Variants in GRIP2 observed in about 807,000 individuals in gnomAD.
The protein encoded by GRIP2 is glutamate receptor interacting protein 2.
GRIP2 carries 58 observed loss-of-function variants against 108.3 expected under a neutral mutation model. That is an observed-to-expected ratio of 0.54 (90% confidence interval 0.43 to 0.67). GRIP2 has a LOEUF of 0.67. Among genes scored for constraint, GRIP2 ranks in the 30% least tolerant of loss-of-function variants. The pLI is 0.00. For missense variants in GRIP2, 1,278 were observed against 1,430.6 expected, an observed-to-expected ratio of 0.89 and a Z score of 1.72; for synonymous variants, 586 against 598.2, an observed-to-expected ratio of 0.98 and a Z score of 0.30.
chr3:14,597,017 A>T, the GRIP2 span, among the ~76,000 whole-genome samples: 12 of 152,204 alleles, frequency 7.9e-5, no homozygotes, highest in Non-Finnish European at 1.8e-4. Flanking sequence ...TGCTAGGATT[A>T]TAGGAGCAGC....
intron 23 of GRIP2, among the ~76,000 whole-genome samples, chr3:14,494,402 G>A (rs958149249): frequency 1.3e-5 from 2 of 152,354 alleles, no homozygotes; most frequent in African/African-American, 2.4e-5. Context: ...GATGTCCCAC[G>A]CTTCCCAGGC....
the GRIP2 span, among the ~76,000 whole-genome samples, chr3:14,592,509 G>T: frequency 6.6e-6 from 1 of 152,170 alleles, no homozygotes; most frequent in Non-Finnish European, 1.5e-5. Flanking sequence ...AAGAAACCGG[G>T]CTCAGAGAGG....
In GRIP2 at chr3:14,531,908, C is replaced by T. The variant is rs561402581; in HGVS notation, c.41-5977G>A. 1.8e-3 allele frequency among the ~76,000 whole-genome samples: 280 copies of T among 152,310 alleles called. 1 individual carries two copies. The highest frequency in any genetic ancestry group is 6.3e-3 in the African/African-American group (262 of 41,568). On this transcript the variant is annotated intron_variant, in intron 1 of 23. Coordinates refer to ENST00000621039, the MANE Select transcript of GRIP2 (RefSeq NM_001080423.4). ...CACCATCAAGCTGGTGGGCTCCCTG[C>T]GCTGCCTCAGGGCTCAGCCCTCCGG...
At position 14,512,673 on chromosome 3, in the gene GRIP2, G is replaced by A. The variant is rs1225362173; in HGVS notation, c.1720+104C>T. On this transcript the variant is annotated intron_variant, in intron 14 of 23. Transcript: ENST00000621039. The surrounding 1 kb of genome is among the most constrained non-coding windows in gnomAD (Gnocchi z 5.1). ...CCCCCAAGCCTTTTCCTCGGGCCCC[G>A]CAGGGTGTCACGCCATGGAAATGCT... The A allele has an allele frequency of 6.3e-6, 7 of 1,114,976 alleles. No individual in the cohort carries two copies. The highest frequency in any genetic ancestry group is 4.6e-5 in the African/African-American group (3 of 64,930). 69.1% of individuals were successfully genotyped at this position (1,114,976 alleles called of 1,614,324 possible). A position where few individuals can be genotyped will look rare whatever the true frequency, so the allele number is the denominator to read the frequency against.
chr3:14,566,101 CTG>C, the GRIP2 span, among the ~76,000 whole-genome samples: 2 of 152,226 alleles, frequency 1.3e-5, no homozygotes, highest in African/African-American at 4.8e-5. Flanking sequence ...TGGCCAATAA[CTG>C]TGTGATCTTT....
intron 1 of GRIP2, among the ~76,000 whole-genome samples, chr3:14,527,455 G>A (rs1460729375): frequency 6.6e-6 from 1 of 151,554 alleles, no homozygotes; most frequent in Non-Finnish European, 1.5e-5. Context: ...GGGAGGGAAG[G>A]AGGAAGAAAA....
At chr3:14,556,258 C>T (rs1695235975), upstream of GRIP2, among the ~76,000 whole-genome samples, 1 of 152,204 alleles carries the variant, frequency 6.6e-6, no homozygotes, top group Non-Finnish European at 1.5e-5. Flanking sequence ...CACCAAAGTG[C>T]TCACCTGGCC....
chr3:14,555,397 C>T (rs1212403163), intron 1 of GRIP2, among the ~76,000 whole-genome samples: 3 of 148,242 alleles, frequency 2.0e-5, no homozygotes, highest in African/African-American at 7.5e-5. Flanking sequence ...GGGGCGGGGG[C>T]GATGAAGGAG....
rs764100901 is a variant in GRIP2 at position 14,509,803 on chromosome 3, A to G, written c.2078+17T>C. On this transcript the variant is annotated intron_variant, in intron 17 of 23. Coordinates refer to ENST00000621039, the MANE Select transcript of GRIP2 (RefSeq NM_001080423.4). ...TTCCCTGAGCCCACCATGCGTCCCC[A>G]CAGAGCCCCAGTTCACCTCTCAGCC... The G allele has an allele frequency of 6.9e-7, 1 of 1,455,066 alleles. No homozygotes were observed. The allele number at this position is 1,455,066 out of a possible 1,614,324, so 90.1% of individuals were successfully genotyped here.
chr3:14,573,093 C>A, the GRIP2 span: 1 of 1,406,486 alleles, frequency 7.1e-7, no homozygotes, highest in East Asian at 2.3e-5. Flanking sequence ...ACTGATGAAC[C>A]CCGAAATGTG....
At chr3:14,510,258 G>GTTT (rs148444184) in intron 16 of GRIP2, among the ~76,000 whole-genome samples, 49 of 92,194 alleles carry the variant, frequency 5.3e-4, no homozygotes, top group Non-Finnish European at 5.9e-4. Context: ...ATCATCCGTT[G>GTTT]TTTTTTTTTT....
the GRIP2 span, among the ~76,000 whole-genome samples, chr3:14,587,188 G>A: frequency 1.3e-5 from 2 of 152,332 alleles, no homozygotes; most frequent in East Asian, 3.9e-4. Context: ...GTATGGAGAA[G>A]GAGGTCCACT....
the GRIP2 span, among the ~76,000 whole-genome samples, chr3:14,582,876 G>C: frequency 1.3e-5 from 2 of 152,206 alleles, no homozygotes; most frequent in Non-Finnish European, 2.9e-5. Context: ...TCAGGGCAAG[G>C]TCCTAGTCTC....
At chr3:14,593,105 A>C in the GRIP2 span, among the ~76,000 whole-genome samples, 14 of 152,164 alleles carry the variant, frequency 9.2e-5, no homozygotes, top group African/African-American at 3.4e-4. Context: ...TCCCCAACCC[A>C]GCCCAGCCTG....
chr3:14,585,122 T>G, the GRIP2 span, among the ~76,000 whole-genome samples: 1 of 152,192 alleles, frequency 6.6e-6, no homozygotes, highest in Non-Finnish European at 1.5e-5. Context: ...CCTCCCGGGT[T>G]CAAACGATTC....
In GRIP2 at chr3:14,540,318, T is replaced by C; in HGVS notation, c.-10A>G. ...TGAGCCCACACAGCATGTTCGCTAT[T>C]GTCTCCCCTGCTGCCCACCAACTCC... On this transcript the variant is annotated 5_prime_UTR_variant, in exon 1 of 24. Transcript: ENST00000621039. The surrounding 1 kb of genome is among the most constrained non-coding windows in gnomAD (Gnocchi z 4.1). 6 of 1,613,652 alleles carry C rather than the reference T, an allele frequency of 3.7e-6. No individual in the cohort carries two copies. The highest frequency in any genetic ancestry group is 5.1e-6 in the Non-Finnish European group (6 of 1,179,768).
intron 21 of GRIP2, among the ~76,000 whole-genome samples, chr3:14,501,851 C>T (rs1161724079): frequency 6.6e-6 from 1 of 151,620 alleles, no homozygotes; most frequent in Non-Finnish European, 1.5e-5. Flanking sequence ...GAAAGTAAAA[C>T]AAATGAATTA....
chr3:14,496,961 CTTTT>C, intron 21 of GRIP2, among the ~76,000 whole-genome samples: 1 of 136,434 alleles, frequency 7.3e-6, no homozygotes. Context: ...AGTCAAGACT[CTTTT>C]TTTTTTTTTT....
Position 14,512,603 on chromosome 3 carries a change from C to A in GRIP2, c.1720+174G>T, listed in dbSNP as rs1043736987. On this transcript the variant is annotated intron_variant, in intron 14 of 23. Transcript: ENST00000621039. The surrounding 1 kb of genome is among the most constrained non-coding windows in gnomAD (Gnocchi z 5.1). ...CTGAAGCTTTGGGAAGCTGGGGTCT[C>A]GCTGAGAACACGCAGCTGGGTCCAC... Among the ~76,000 whole-genome samples, 1 of 152,198 alleles carries A rather than the reference C, an allele frequency of 6.6e-6. No homozygotes were observed. The highest frequency in any genetic ancestry group is 2.4e-5 in the African/African-American group (1 of 41,458).
Sources: allele counts gnomAD v4.1 joint callset (sites outside exome capture counted in the v4.1 genomes callset), GRCh38; gene constraint gnomAD v4.1.1; non-coding constraint Gnocchi (gnomAD v3.1); transcripts MANE v1.5; gene names NCBI Gene and HGNC (gene_info 2026-07-23, HGNC 2026-07-21).